The following TSN variants were observed in gnomAD, a reference collection of about 807,000 sequenced individuals.
TSN encodes the protein translin, also known as component 3 of promoter of RISC.
TSN carries 5 observed loss-of-function variants against 29.4 expected under a neutral mutation model. The ratio of observed to expected loss-of-function variants is 0.17; its 90% CI spans 0.09 to 0.36. TSN has a LOEUF of 0.36. TSN is among the 10% of genes least tolerant of loss of function. The pLI is 1.00. For synonymous variants in TSN, 106 were observed against 102.2 expected, an observed-to-expected ratio of 1.04 and a Z score of -0.23; for missense variants, 159 against 272.8, an observed-to-expected ratio of 0.58 and a Z score of 2.94.
intron 5 of TSN, among the ~76,000 whole-genome samples, chr2:121,764,096 A>G (rs1437917328): frequency 1.3e-5 from 2 of 152,110 alleles, no homozygotes; most frequent in Admixed American, 6.5e-5. Flanking sequence ...TGTACACACA[A>G]CTTCTGTTAA....
chr2:121,765,154 C>T lies in TSN; in HGVS notation c.474C>T (p.Ser158=), dbSNP rs1244793542. The part of the protein sequence containing the change: ...ASELSRLSVN[S]VTAGDYSRPL... Reference sequence around the variant, plus strand: ...TACAGTCGAGGCTGTCTGTCAACAGCGTGACTGCTGGAGACTACTCCCGAC... The same window carrying T: ...TACAGTCGAGGCTGTCTGTCAACAGTGTGACTGCTGGAGACTACTCCCGAC... The change falls in exon 6 of 6, where the codon AGC becomes AGT. Residue 158 remains serine, a synonymous_variant. Transcript: ENST00000389682. 4 of 1,614,194 alleles carry T rather than the reference C, an allele frequency of 2.5e-6. No individual in the cohort carries two copies. The highest frequency in any genetic ancestry group is 3.3e-4 in the Middle Eastern group (2 of 6,062).
rs373327992 is a variant in TSN at position 121,765,343 on chromosome 2, G to A, written c.663G>A (p.Thr221=). ...DLSIRGFNKE[T]AAACVEK The stretch of plus-strand genomic sequence containing the variant: ...CCATCCGGGGCTTTAATAAGGAGAC[G>A]GCAGCAGCTTGTGTTGAAAAATAGG... The change falls in exon 6 of 6, where the codon ACG becomes ACA. Residue 221 remains threonine (T), a synonymous_variant. Coordinates refer to ENST00000389682, the MANE Select transcript of TSN (RefSeq NM_004622.3). The A allele has an allele frequency of 5.6e-5, 90 of 1,614,062 alleles. No individual in the cohort carries two copies. The highest frequency in any genetic ancestry group is 6.8e-5 in the Non-Finnish European group (80 of 1,180,030).
chr2:121,758,027 GTGTGTA>G (rs982556077), intron 2 of TSN, among the ~76,000 whole-genome samples: 2 of 150,314 alleles, frequency 1.3e-5, no homozygotes, highest in African/African-American at 5.0e-5. Context: ...GTGTGTGTGT[GTGTGTA>G]TGTGTGTATG....
chr2:121,756,803 G>A (rs2106451532), intron 1 of TSN: 1 of 330,858 alleles, frequency 3.0e-6, no homozygotes, highest in African/African-American at 2.3e-5. Flanking sequence ...CAGCTACTCG[G>A]GAGGCTGAAG....
intron 2 of TSN, 115 bp downstream of exon 2, chr2:121,757,448 G>A: frequency 6.5e-7 from 1 of 1,549,850 alleles, no homozygotes; most frequent in Non-Finnish European, 8.7e-7. Flanking sequence ...AGTAAAAATT[G>A]AAGAAGTAGG....
intron 1 of TSN, among the ~76,000 whole-genome samples, chr2:121,757,030 G>A (rs1436950461): frequency 6.6e-6 from 1 of 152,086 alleles, no homozygotes; most frequent in Non-Finnish European, 1.5e-5. Flanking sequence ...TTGAATACTT[G>A]GGTTTAATGG....
At chr2:121,757,660 T>A in intron 2 of TSN, 1 of 177,346 alleles carries the variant, frequency 5.6e-6, no homozygotes, top group Admixed American at 6.3e-5. Context: ...ATTTTTTTAA[T>A]TTTTTTTTTT....
At chr2:121,756,683 TC>T in intron 1 of TSN, 1 of 1,271,176 alleles carries the variant, frequency 7.9e-7, no homozygotes, top group Non-Finnish European at 1.0e-6. Flanking sequence ...GGCGGCCAGA[TC>T]ACCTGAGGTA....
At chr2:121,758,548 CTG>C (rs2074779873) in intron 2 of TSN, among the ~76,000 whole-genome samples, 160 bp from the exon 3 acceptor site, 1 of 152,146 alleles carries the variant, frequency 6.6e-6, no homozygotes, top group Non-Finnish European at 1.5e-5. Context: ...AGTAGGGAAA[CTG>C]GGGATGATAT....
Position 121,766,588 on chromosome 2 carries a change from TG to T in TSN, c.*1223del, listed in dbSNP as rs1267272216. 5 of 152,344 alleles carry T rather than the reference TG, an allele frequency of 3.3e-5. No individual in the cohort carries two copies. The East Asian group carries it at 9.6e-4, about 29-fold the overall frequency. 9.4% of individuals were successfully genotyped at this position (152,344 alleles called of 1,614,324 possible). On this transcript the variant is annotated 3_prime_UTR_variant, in exon 6 of 6. Coordinates refer to ENST00000389682, the MANE Select transcript of TSN (RefSeq NM_004622.3). ...TTGGGGCAAGTCATGTAAATACTGT[TG>T]GTGGTCTTCCCCACACGCCCCAATT...
chr2:121,755,850 GC>G lies in TSN; in HGVS notation c.66+10del. The G allele has an allele frequency of 1.2e-6, 2 of 1,613,962 alleles. No individual in the cohort carries two copies. Among genetic ancestry groups the G allele is most frequent in the Non-Finnish European group, 1.7e-6 (2 of 1,180,012 alleles). ...GCCGAGCAGGACATCCGAGAGGCGA[GC>G]CCCCTCCCTTCCCCATTCCCTTTGC... On this transcript the variant is annotated splice_donor_region_variant and intron_variant, in intron 1 of 5. Transcript: ENST00000389682.
rs748010897 is a variant in TSN at position 121,766,651 on chromosome 2, T to TG, written c.*1285dup. 3 of 152,206 alleles carry TG rather than the reference T, an allele frequency of 2.0e-5. No homozygotes were observed. Among genetic ancestry groups the TG allele is most frequent in the Admixed American group, 6.5e-5 (1 of 15,274 alleles). 9.4% of individuals were successfully genotyped at this position (152,206 alleles called of 1,614,324 possible). A position where few individuals can be genotyped will look rare whatever the true frequency, so the allele number is the denominator to read the frequency against. On this transcript the variant is annotated 3_prime_UTR_variant, in exon 6 of 6. Coordinates refer to ENST00000389682, the MANE Select transcript of TSN (RefSeq NM_004622.3). ...CTAAGAGTATGTGCCAGGAAACTCTTGCTATTGAATTGAGATGATTAAAAT... is the reference window on the plus strand; with the variant it reads ...CTAAGAGTATGTGCCAGGAAACTCTTGGCTATTGAATTGAGATGATTAAAAT...
chr2:121,766,901 A>T lies in TSN; in HGVS notation c.*1534A>T, dbSNP rs1038436924. 2 of 152,170 alleles carry T rather than the reference A, an allele frequency of 1.3e-5. No homozygotes were observed. Among genetic ancestry groups the T allele is most frequent in the African/African-American group, 4.8e-5 (2 of 41,442 alleles). The allele number at this position is 152,170 out of a possible 1,614,324, so 9.4% of individuals were successfully genotyped here. On this transcript the variant is annotated 3_prime_UTR_variant, in exon 6 of 6. Transcript: ENST00000389682. ...AAGCAGTTGAAATGAGGCATGAGTT[A>T]CTGTGCATTGGGATTTTAGAACAAT...
chr2:121,764,011 C>G (rs1283819423), intron 5 of TSN, among the ~76,000 whole-genome samples: 1 of 152,180 alleles, frequency 6.6e-6, no homozygotes, highest in Non-Finnish European at 1.5e-5. Context: ...CTAGTCACAT[C>G]TTCACTCTAG....
chr2:121,757,216 A>C (rs756527020), intron 1 of TSN, 24 bp from the exon 2 acceptor site: 1 of 1,606,138 alleles, frequency 6.2e-7, no homozygotes, highest in African/African-American at 1.3e-5. Context: ...TGAGTATCTG[A>C]TTTTTATTTT....
intron 5 of TSN, 74 bp from the exon 6 acceptor site, chr2:121,765,060 T>A: frequency 7.1e-7 from 1 of 1,416,062 alleles, no homozygotes; most frequent in African/African-American, 1.4e-5. Context: ...GTTCTTCTGG[T>A]TGTGATTCAG....
In TSN at chr2:121,763,050, A is replaced by C. The variant is rs2074852160; in HGVS notation, c.419A>C (p.Tyr140Ser). ...EKGFHLDVED[Y>S]LSGVLILASE... is the part of the protein sequence containing the mutation. ...GGATTTCATCTGGATGTAGAAGATT[A>C]TCTCTCAGGAGTTCTAATTCTTGCC... Residue 140 changes from tyrosine (Y) to serine (S), a missense_variant, in exon 5 of 6, where the codon TAT becomes TCT. Transcript: ENST00000389682. 6.2e-7 allele frequency: 1 copy of C among 1,610,208 alleles called. No homozygotes were observed. The highest frequency in any genetic ancestry group is 1.1e-5 in the South Asian group (1 of 90,314).
At chr2:121,757,813 C>T (rs868817562) in intron 2 of TSN, among the ~76,000 whole-genome samples, 1 of 151,814 alleles carries the variant, frequency 6.6e-6, no homozygotes, top group South Asian at 2.1e-4. Flanking sequence ...CCCGCCATCA[C>T]GCCCAGCTAC....
At chr2:121,758,464 A>G (rs1165516441) in intron 2 of TSN, among the ~76,000 whole-genome samples, 5 of 152,232 alleles carry the variant, frequency 3.3e-5, no homozygotes, top group African/African-American at 9.6e-5. Context: ...ATTTATGACA[A>G]CCAAACCAAT....
Sources: gnomAD v4.1 joint callset for allele counts (sites outside exome capture counted in the v4.1 genomes callset) on GRCh38, gnomAD v4.1.1 for gene constraint, MANE v1.5 for transcripts, NCBI Gene and HGNC (gene_info 2026-07-23, HGNC 2026-07-21) for gene names.